Variants in RNF214 observed in about 807,000 individuals in gnomAD.
The protein encoded by RNF214 is ring finger protein 214.
Under a neutral mutation model 75.9 loss-of-function variants are expected in RNF214, and 25 were observed. That is an observed-to-expected ratio of 0.33 (90% CI 0.24 to 0.46). The LOEUF is 0.46. RNF214 is among the 20% of genes least tolerant of loss of function. The pLI, the probability that RNF214 is intolerant of heterozygous loss-of-function variation, is 1.00. For synonymous variants in RNF214, 314 were observed against 308.8 expected, an observed-to-expected ratio of 1.02 and a Z score of -0.18; for missense variants, 725 against 857.5, an observed-to-expected ratio of 0.85 and a Z score of 1.93.
intron 6 of RNF214, among the ~76,000 whole-genome samples, chr11:117,256,065 T>C (rs535225827): frequency 6.6e-6 from 1 of 152,304 alleles, no homozygotes; most frequent in South Asian, 2.1e-4. Flanking sequence ...TATGCAGTAT[T>C]CTGAACGTAC....
chr11:117,277,320 G>A (rs2034033377), intron 6 of RNF214, among the ~76,000 whole-genome samples: 1 of 151,836 alleles, frequency 6.6e-6, no homozygotes, highest in Admixed American at 6.6e-5. Context: ...CCCAGCTTGG[G>A]TGACAGCCTT....
chr11:117,239,902 A>C, intron 4 of RNF214, 42 bp downstream of exon 4: 3 of 1,075,890 alleles, frequency 2.8e-6, no homozygotes, highest in Non-Finnish European at 4.3e-6. Context: ...GCCATTATCA[A>C]ATAGAAGATC....
chr11:117,275,209 GAT>G (rs1458404073), intron 6 of RNF214, among the ~76,000 whole-genome samples: 1 of 152,052 alleles, frequency 6.6e-6, no homozygotes, highest in Non-Finnish European at 1.5e-5. Flanking sequence ...TTTTAAAAAT[GAT>G]TGATAACGGT....
chr11:117,271,798 A>G (rs1470103546), intron 6 of RNF214, among the ~76,000 whole-genome samples: 2 of 152,126 alleles, frequency 1.3e-5, no homozygotes, highest in Non-Finnish European at 2.9e-5. Flanking sequence ...ATGACAGAAC[A>G]AAGTTTGAGG....
At chr11:117,283,075 A>C (rs1293844371) in intron 13 of RNF214, 40 bp from the exon 14 acceptor site, 3 of 1,409,172 alleles carry the variant, frequency 2.1e-6, no homozygotes, top group Non-Finnish European at 3.0e-6. Context: ...GGAGACCCAG[A>C]GGTTCCTTAC....
chr11:117,253,976 G>A (rs1157584400), intron 6 of RNF214, among the ~76,000 whole-genome samples: 1 of 151,042 alleles, frequency 6.6e-6, no homozygotes, highest in Non-Finnish European at 1.5e-5. Context: ...TATGTTGGCT[G>A]GGCGCAGTAG....
intron 14 of RNF214, 106 bp downstream of exon 14, chr11:117,283,316 ACTTTT>A (rs772298633): frequency 7.3e-5 from 55 of 755,884 alleles, no homozygotes; most frequent in Non-Finnish European, 1.1e-4. Context: ...AGCTAAAATA[ACTTTT>A]CTTTTACTGT....
intron 2 of RNF214, among the ~76,000 whole-genome samples, chr11:117,238,310 G>A (rs1315663672): frequency 1.3e-5 from 2 of 152,206 alleles, no homozygotes; most frequent in African/African-American, 2.4e-5. Flanking sequence ...CAAGTCTGAG[G>A]TGGAGGATTG....
intron 2 of RNF214, among the ~76,000 whole-genome samples, chr11:117,236,186 C>G (rs561965859): frequency 1.2e-3 from 179 of 152,092 alleles, no homozygotes; most frequent in African/African-American, 4.1e-3. Context: ...GTCTTGAACT[C>G]CTGACCTCAA....
chr11:117,257,832 A>C (rs538476497), intron 6 of RNF214, among the ~76,000 whole-genome samples: 1 of 152,224 alleles, frequency 6.6e-6, no homozygotes, highest in Non-Finnish European at 1.5e-5. Flanking sequence ...GAATAATACT[A>C]ATTGGTAATT....
intron 4 of RNF214, 63 bp from the exon 5 acceptor site, chr11:117,244,382 C>G: frequency 7.1e-7 from 1 of 1,407,122 alleles, no homozygotes. Context: ...CTTGGACAGG[C>G]ACTGGTGAAT....
intron 6 of RNF214, among the ~76,000 whole-genome samples, chr11:117,264,875 C>A (rs2033760711): frequency 6.6e-6 from 1 of 151,818 alleles, no homozygotes; most frequent in African/African-American, 2.4e-5. Flanking sequence ...ACCAGCCTGG[C>A]CAACATGGTG....
intron 4 of RNF214, among the ~76,000 whole-genome samples, chr11:117,241,197 C>CA (rs2033069711): frequency 2.0e-5 from 3 of 150,958 alleles, no homozygotes; most frequent in South Asian, 2.1e-4. Flanking sequence ...CAAACAACAA[C>CA]AAAAAAACAA....
At chr11:117,254,103 G>A (rs1040933712) in intron 6 of RNF214, among the ~76,000 whole-genome samples, 2 of 152,106 alleles carry the variant, frequency 1.3e-5, no homozygotes, top group African/African-American at 4.8e-5. Context: ...AAAAAAATTA[G>A]CCAGGTGTGG....
intron 4 of RNF214, among the ~76,000 whole-genome samples, chr11:117,243,273 A>G (rs1053305764): frequency 2.0e-5 from 3 of 152,138 alleles, no homozygotes. Context: ...CAGCCTCCCA[A>G]GTAGCTGGGA....
intron 6 of RNF214, among the ~76,000 whole-genome samples, chr11:117,250,967 A>T (rs2033364030): frequency 6.9e-6 from 1 of 145,830 alleles, no homozygotes; most frequent in Admixed American, 6.9e-5. Context: ...AAGGCAGAAG[A>T]ATTTTTCTTA....
intron 6 of RNF214, among the ~76,000 whole-genome samples, chr11:117,258,275 G>T (rs930269127): frequency 6.6e-5 from 10 of 151,840 alleles, no homozygotes; most frequent in Admixed American, 5.3e-4. Context: ...CACCATGTTG[G>T]CCAGGATGGT....
At chr11:117,241,460 G>C (rs1459936290) in intron 4 of RNF214, among the ~76,000 whole-genome samples, 1 of 151,468 alleles carries the variant, frequency 6.6e-6, no homozygotes, top group Non-Finnish European at 1.5e-5. Flanking sequence ...CATGCCTCTA[G>C]TCCTAGCTAC....
chr11:117,280,090 T>C, intron 7 of RNF214, 81 bp from the exon 8 acceptor site: 1 of 1,480,700 alleles, frequency 6.8e-7, no homozygotes, highest in South Asian at 1.2e-5. Context: ...GGAGAGCCAG[T>C]AAGCATTTGT....
Sources: allele counts gnomAD v4.1 joint callset (sites outside exome capture counted in the v4.1 genomes callset), GRCh38; gene constraint gnomAD v4.1.1; transcripts MANE v1.5; gene names NCBI Gene and HGNC (gene_info 2026-07-23, HGNC 2026-07-21).